IL1RAPL2: variants seen among roughly 807,000 people sequenced by gnomAD.
IL1RAPL2 encodes X-linked interleukin-1 receptor accessory protein-like 2.
In IL1RAPL2, 3 loss-of-function variants were observed where a neutral mutation model predicts 44.1. The ratio of observed to expected loss-of-function variants is 0.07; its 90% CI spans 0.03 to 0.18. The LOEUF (loss-of-function observed/expected upper bound fraction) is 0.18, where lower values mean the gene tolerates loss of function less well. Ranked by LOEUF, IL1RAPL2 falls within the 10% of genes least tolerant of loss-of-function variation. The pLI is 1.00. For missense variants in IL1RAPL2, 391 were observed against 496.4 expected, an observed-to-expected ratio of 0.79 and a Z score of 2.02; for synonymous variants, 181 against 178.8, an observed-to-expected ratio of 1.01 and a Z score of -0.10.
At chrX:105,396,934 T>G (rs767025393) in intron 5 of IL1RAPL2, among the ~76,000 whole-genome samples, 1 of 111,290 alleles carries the variant, frequency 9.0e-6, no homozygotes, top group South Asian at 3.8e-4. Flanking sequence ...CGAAGCTTCA[T>G]CTGTATTTAC....
intron 6 of IL1RAPL2, among the ~76,000 whole-genome samples, chrX:105,707,317 C>G (rs1051744144): frequency 9.0e-6 from 1 of 111,450 alleles, no homozygotes; most frequent in Admixed American, 9.6e-5. Context: ...TGGTTCATTC[C>G]AAAATGGATT....
chrX:104,727,204 A>C (rs766707367), intron 2 of IL1RAPL2, among the ~76,000 whole-genome samples: 1 of 111,479 alleles, frequency 9.0e-6, no homozygotes, highest in East Asian at 2.8e-4. Context: ...ACAAAGGACT[A>C]ATATCAAGCA....
At chrX:104,966,239 G>A (rs183565956) in intron 2 of IL1RAPL2, among the ~76,000 whole-genome samples, 64 of 111,353 alleles carry the variant, frequency 5.7e-4, no homozygotes, top group African/African-American at 2.1e-3. Context: ...CAAGTAAATT[G>A]GTGAAAAATA....
chrX:104,649,133 C>T (rs907344056), intron 1 of IL1RAPL2, among the ~76,000 whole-genome samples: 2 of 110,850 alleles, frequency 1.8e-5, no homozygotes, highest in Admixed American at 1.9e-4. Context: ...GTCCTATCCA[C>T]CTGACTCTAT....
At chrX:105,083,812 G>A (rs1367487735) in intron 2 of IL1RAPL2, among the ~76,000 whole-genome samples, 1 of 112,114 alleles carries the variant, frequency 8.9e-6, no homozygotes, top group Non-Finnish European at 1.9e-5. Flanking sequence ...GCTCCTGAAG[G>A]AAGCACTAAA....
At chrX:104,958,875 C>T (rs1487603520) in intron 2 of IL1RAPL2, among the ~76,000 whole-genome samples, 2 of 109,868 alleles carry the variant, frequency 1.8e-5, no homozygotes, top group Non-Finnish European at 3.8e-5. Flanking sequence ...CCCATTTTAC[C>T]TAGACATACT....
intron 6 of IL1RAPL2, among the ~76,000 whole-genome samples, chrX:105,537,074 A>C (rs2147795490): frequency 9.0e-6 from 1 of 111,650 alleles, no homozygotes; most frequent in Non-Finnish European, 1.9e-5. Context: ...GCCATGTAGA[A>C]ATTTTTAGGC....
chrX:104,940,698 C>A, intron 2 of IL1RAPL2, among the ~76,000 whole-genome samples: 1 of 106,491 alleles, frequency 9.4e-6, no homozygotes, highest in Non-Finnish European at 1.9e-5. Flanking sequence ...CCCATTCTCA[C>A]TTCTTTTTTT....
chrX:105,689,493 A>G (rs954238309), intron 6 of IL1RAPL2, among the ~76,000 whole-genome samples: 2 of 112,471 alleles, frequency 1.8e-5, no homozygotes, highest in Admixed American at 9.4e-5. Flanking sequence ...GTCATCAGAG[A>G]AATGCAAATC....
intron 2 of IL1RAPL2, among the ~76,000 whole-genome samples, chrX:104,891,737 CA>C (rs1923447888): frequency 8.9e-6 from 1 of 111,820 alleles, no homozygotes; most frequent in African/African-American, 3.2e-5. Flanking sequence ...ATATCATCTG[CA>C]AACAAGAACA....
chrX:105,627,705 C>T (rs1410601364), intron 6 of IL1RAPL2, among the ~76,000 whole-genome samples: 1 of 111,775 alleles, frequency 8.9e-6, no homozygotes, highest in East Asian at 2.8e-4. Flanking sequence ...TTGTGCTGAT[C>T]ACCATTTGAT....
rs759437149 is a variant in IL1RAPL2, at chrX:104,761,923, CCTTCTTCTTCTTCTTCTTCTT to C, written c.82+102969_82+102989del. 7.5e-3 allele frequency among the ~76,000 whole-genome samples: 230 copies of C among 30,772 alleles called. 8 individuals are homozygous for C. Among genetic ancestry groups the C allele is most frequent in the African/African-American group, 0.018 (98 of 5,584 alleles). The allele number at this position is 30,772 out of a possible 115,157, so 26.7% of individuals were successfully genotyped here. On this transcript the variant is annotated intron_variant, in intron 2 of 10. Transcript: ENST00000372582. ...TCCTTCTCCTTCTCCTTCTCCTTCT[CCTTCTTCTTCTTCTTCTTCTT>C]CTTCTTCTTCTTCTTCTTCTTCTTC...
intron 1 of IL1RAPL2, among the ~76,000 whole-genome samples, chrX:104,606,920 C>T (rs780469518): frequency 4.2e-4 from 47 of 111,682 alleles, no homozygotes; most frequent in South Asian, 7.5e-4. Flanking sequence ...AAAAAGAGCC[C>T]GCATAGCCAA....
At chrX:104,575,571 G>C (rs1928229350) in intron 1 of IL1RAPL2, among the ~76,000 whole-genome samples, 2 of 111,396 alleles carry the variant, frequency 1.8e-5, no homozygotes, top group African/African-American at 6.5e-5. Flanking sequence ...TCATAAGATA[G>C]TGGCAGATGC....
intron 1 of IL1RAPL2, among the ~76,000 whole-genome samples, chrX:104,591,253 G>A (rs1248368334): frequency 9.0e-6 from 1 of 110,995 alleles, no homozygotes; most frequent in Non-Finnish European, 1.9e-5. Context: ...CTAGTAGGTA[G>A]CCAAGAAAGA....
At position 105,743,728 on chromosome X, in the gene IL1RAPL2, G is replaced by A. The variant is rs1342306894; in HGVS notation, c.1048+3037G>A. Among the ~76,000 whole-genome samples, 4 of 111,505 alleles carry A rather than the reference G, an allele frequency of 3.6e-5. No homozygotes were observed. The Admixed American group carries it at 3.8e-4, about 11-fold the overall frequency. Reference sequence around the variant, plus strand: ...CTGTATTTACTGCTGTATCTCTAGTGCATAAAACATAATAAGTGCTCAAAA... The same window carrying A: ...CTGTATTTACTGCTGTATCTCTAGTACATAAAACATAATAAGTGCTCAAAA... On this transcript the variant is annotated intron_variant, in intron 8 of 10. Coordinates refer to ENST00000372582, the MANE Select transcript of IL1RAPL2 (RefSeq NM_017416.2).
chrX:104,688,755 C>A (rs1053959714), intron 2 of IL1RAPL2, among the ~76,000 whole-genome samples: 5 of 111,774 alleles, frequency 4.5e-5, no homozygotes, highest in Non-Finnish European at 7.5e-5. Context: ...TTAATGAGAG[C>A]AATACCTGGC....
chrX:104,850,479 T>C (rs752024638), intron 2 of IL1RAPL2, among the ~76,000 whole-genome samples: 8 of 111,837 alleles, frequency 7.2e-5, no homozygotes, highest in Non-Finnish European at 1.5e-4. Context: ...GACAGAGATA[T>C]ATTATGGTTT....
intron 2 of IL1RAPL2, among the ~76,000 whole-genome samples, chrX:105,181,492 C>T (rs1189360596): frequency 3.6e-5 from 4 of 110,979 alleles, no homozygotes; most frequent in South Asian, 3.8e-4. Flanking sequence ...TGCTGTATCC[C>T]GTAGGTTTTG....
Sources: allele counts gnomAD v4.1 joint callset (sites outside exome capture counted in the v4.1 genomes callset), GRCh38; gene constraint gnomAD v4.1.1; transcripts MANE v1.5; gene names NCBI Gene and HGNC (gene_info 2026-07-23, HGNC 2026-07-21).